ITGA8: variants seen among roughly 807,000 people sequenced by gnomAD.
The protein encoded by ITGA8 is integrin subunit alpha 8, also known as integrin alpha-8.
In ITGA8, 91 loss-of-function variants were observed where a neutral mutation model predicts 142.3. That is an observed-to-expected ratio of 0.64 (90% CI 0.54 to 0.76). The LOEUF is 0.76. Ranked by LOEUF, ITGA8 falls within the 30% of genes least tolerant of loss-of-function variation. The probability of loss-of-function intolerance (pLI) is 0.00; values close to 1 mark genes in which losing one functional copy is unlikely to be tolerated. For synonymous variants in ITGA8, 505 were observed against 485.2 expected (o/e 1.04, Z -0.54); for missense variants, 1,406 against 1,327.7 (o/e 1.06, Z -0.92).
chr10:15,539,459 C>G (rs1455959783), intron 27 of ITGA8, among the ~76,000 whole-genome samples: 1 of 152,038 alleles, frequency 6.6e-6, no homozygotes, highest in Non-Finnish European at 1.5e-5. Flanking sequence ...ACACTATCTC[C>G]CCTTTGGAAG....
chr10:15,566,296 T>G (rs1474290169), intron 25 of ITGA8, among the ~76,000 whole-genome samples: 1 of 152,198 alleles, frequency 6.6e-6, no homozygotes, highest in East Asian at 1.9e-4. Context: ...AGCATCAGCT[T>G]TCTCTCATGT....
At chr10:15,544,290 C>T (rs956587051) in intron 27 of ITGA8, among the ~76,000 whole-genome samples, 3 of 150,570 alleles carry the variant, frequency 2.0e-5, no homozygotes, top group Non-Finnish European at 2.9e-5. Flanking sequence ...ATAGTGAGAC[C>T]CTGTCTCTAC....
rs972041111 is a variant in ITGA8, at chr10:15,661,724, C to T, written c.848-802G>A. Among the ~76,000 whole-genome samples, 11 of 151,988 alleles carry T rather than the reference C, an allele frequency of 7.2e-5. No individual in the cohort carries two copies. The East Asian group carries it at 7.7e-4, about 11-fold the overall frequency. ...TCAGAGTCAAGGGAGGGAATGGGTGCGAAGCAGAGAGGGGAGCCTTGGACA... is the reference window on the plus strand; with the variant it reads ...TCAGAGTCAAGGGAGGGAATGGGTGTGAAGCAGAGAGGGGAGCCTTGGACA... On this transcript the variant is annotated intron_variant, in intron 8 of 29. Transcript: ENST00000378076.
chr10:15,592,205 T>C lies in ITGA8; in HGVS notation c.2291+20A>G. 6.4e-7 allele frequency: 1 copy of C among 1,574,770 alleles called. No homozygotes were observed. Among genetic ancestry groups the C allele is most frequent in the Non-Finnish European group, 8.7e-7 (1 of 1,144,958 alleles). ...TTTCTTTTGACTGCTGTCAACGATATAGGCATGTAAAGGTCTAACCTTCTG... is the reference window on the plus strand; with the variant it reads ...TTTCTTTTGACTGCTGTCAACGATACAGGCATGTAAAGGTCTAACCTTCTG... On this transcript the variant is annotated intron_variant, in intron 22 of 29. Coordinates refer to ENST00000378076, the MANE Select transcript of ITGA8 (RefSeq NM_003638.3).
chr10:15,565,130 T>C (rs1834055093), intron 25 of ITGA8, among the ~76,000 whole-genome samples: 1 of 152,318 alleles, frequency 6.6e-6, no homozygotes, highest in East Asian at 1.9e-4. Context: ...TGTAATTCTT[T>C]TTGATGGTCG....
intron 28 of ITGA8, among the ~76,000 whole-genome samples, chr10:15,521,640 C>T (rs988514265): frequency 1.1e-4 from 16 of 152,268 alleles, no homozygotes; most frequent in South Asian, 4.1e-4. Context: ...TAACTTTCCT[C>T]GCTAGGAATT....
chr10:15,698,124 A>G (rs536989201), intron 2 of ITGA8, among the ~76,000 whole-genome samples: 1 of 152,152 alleles, frequency 6.6e-6, no homozygotes, highest in South Asian at 2.1e-4. Context: ...GCATCCTCAT[A>G]GCTTAGCTCC....
chr10:15,672,893 G>T, intron 6 of ITGA8, 144 bp from the exon 7 acceptor site: 2 of 821,844 alleles, frequency 2.4e-6, no homozygotes, highest in Non-Finnish European at 3.6e-6. Flanking sequence ...CAAACTCCAA[G>T]GCAGAGTTAG....
At chr10:15,688,625 A>G (rs1271444587) in intron 2 of ITGA8, among the ~76,000 whole-genome samples, 2 of 152,208 alleles carry the variant, frequency 1.3e-5, no homozygotes, top group African/African-American at 4.8e-5. Flanking sequence ...CTCAAATCCA[A>G]CAGCATGTTA....
chr10:15,654,312 A>G (rs1047452578), intron 11 of ITGA8, among the ~76,000 whole-genome samples: 11 of 152,046 alleles, frequency 7.2e-5, no homozygotes, highest in African/African-American at 2.7e-4. Context: ...TACTCATTTA[A>G]TTTTTGTCTG....
At chr10:15,641,848 C>T (rs915684117) in intron 13 of ITGA8, among the ~76,000 whole-genome samples, 3 of 152,038 alleles carry the variant, frequency 2.0e-5, no homozygotes, top group Non-Finnish European at 2.9e-5. Context: ...AAGAGGTAAT[C>T]GGCTGATGTG....
intron 10 of ITGA8, among the ~76,000 whole-genome samples, chr10:15,656,920 C>T (rs920842469): frequency 1.3e-5 from 2 of 152,216 alleles, no homozygotes; most frequent in African/African-American, 4.8e-5. Context: ...TCTGAACTTT[C>T]TGAGCAGTGT....
intron 25 of ITGA8, among the ~76,000 whole-genome samples, chr10:15,561,896 A>G (rs533545387): frequency 7.2e-5 from 11 of 152,302 alleles, no homozygotes; most frequent in African/African-American, 1.9e-4. Flanking sequence ...GCCTCAGGAA[A>G]CTTACAATCA....
intron 21 of ITGA8, among the ~76,000 whole-genome samples, chr10:15,596,359 T>G (rs963252901): frequency 5.1e-4 from 77 of 152,316 alleles, no homozygotes; most frequent in Non-Finnish European, 8.2e-4. Flanking sequence ...TGAGCTTCAG[T>G]TTCCTCATCC....
chr10:15,689,917 C>T (rs994953536), intron 2 of ITGA8, among the ~76,000 whole-genome samples: 1 of 152,180 alleles, frequency 6.6e-6, no homozygotes, highest in African/African-American at 2.4e-5. Context: ...AGCTGCACCC[C>T]TTCGGCGCCA....
chr10:15,637,098 T>A (rs1833784563), intron 13 of ITGA8, among the ~76,000 whole-genome samples: 1 of 152,252 alleles, frequency 6.6e-6, no homozygotes, highest in African/African-American at 2.4e-5. Flanking sequence ...TGATCCGAGA[T>A]TGTGACGCTG....
intron 2 of ITGA8, among the ~76,000 whole-genome samples, chr10:15,697,205 T>G (rs1176155573): frequency 6.6e-6 from 1 of 152,222 alleles, no homozygotes; most frequent in Non-Finnish European, 1.5e-5. Flanking sequence ...ACATATGATT[T>G]GTATGCACTG....
At chr10:15,650,549 C>G (rs1588698679) in intron 11 of ITGA8, among the ~76,000 whole-genome samples, 1 of 152,130 alleles carries the variant, frequency 6.6e-6, no homozygotes, top group South Asian at 2.1e-4. Context: ...AGGGTCCCCA[C>G]CAGCAAGAAG....
rs1329961338 is a variant in ITGA8 at position 15,516,013 on chromosome 10, G to T, written c.*1145C>A. ...CATGCCTGTATAATTTTATGTTTTT[G>T]TCTAAGTTATATTCAACATGTTTTC... On this transcript the variant is annotated 3_prime_UTR_variant, in exon 30 of 30. Coordinates refer to ENST00000378076, the MANE Select transcript of ITGA8 (RefSeq NM_003638.3). 1.3e-5 allele frequency: 2 copies of T among 152,070 alleles called. No homozygotes were observed. The highest frequency in any genetic ancestry group is 4.8e-5 in the African/African-American group (2 of 41,412). 9.4% of individuals were successfully genotyped at this position (152,070 alleles called of 1,614,324 possible).
Sources: gnomAD v4.1 joint callset for allele counts (sites outside exome capture counted in the v4.1 genomes callset) on GRCh38, gnomAD v4.1.1 for gene constraint, MANE v1.5 for transcripts, NCBI Gene and HGNC (gene_info 2026-07-23, HGNC 2026-07-21) for gene names.